The following CELSR1 variants were observed in gnomAD, a reference collection of about 807,000 sequenced individuals.
CELSR1 encodes the protein cadherin EGF LAG seven-pass G-type receptor 1, also known as adhesion G protein-coupled receptor C1.
CELSR1 carries 110 observed loss-of-function variants against 249.1 expected under a neutral mutation model. That is an observed-to-expected ratio of 0.44 (90% confidence interval 0.38 to 0.52). The LOEUF is 0.52. Ranked by LOEUF, CELSR1 falls within the 20% of genes least tolerant of loss-of-function variation. CELSR1 has a pLI of 0.00. For missense variants in CELSR1, 4,109 were observed against 4,296.4 expected, an observed-to-expected ratio of 0.96 and a Z score of 1.22; for synonymous variants, 2,113 against 1,900.0, an observed-to-expected ratio of 1.11 and a Z score of -2.92.
At chr22:46,451,109 C>T (rs1343685157) in intron 2 of CELSR1, among the ~76,000 whole-genome samples, 1 of 152,156 alleles carries the variant, frequency 6.6e-6, no homozygotes, top group Non-Finnish European at 1.5e-5. Flanking sequence ...CACGTCTGCC[C>T]TTGGGTTTCA....
At chr22:46,371,513 T>G (rs928888471) in intron 25 of CELSR1, among the ~76,000 whole-genome samples, 2 of 152,108 alleles carry the variant, frequency 1.3e-5, no homozygotes, top group Non-Finnish European at 2.9e-5. Context: ...TACTGTTTGT[T>G]CTACTCACTG....
chr22:46,456,705 C>T (rs972933756), intron 2 of CELSR1, among the ~76,000 whole-genome samples: 1 of 145,398 alleles, frequency 6.9e-6, no homozygotes, highest in East Asian at 2.1e-4. Flanking sequence ...CAAAATAAAA[C>T]TCACAGCTGG....
At chr22:46,405,116 C>T (rs1227139373) in intron 9 of CELSR1, among the ~76,000 whole-genome samples, 1 of 151,516 alleles carries the variant, frequency 6.6e-6, no homozygotes, top group Non-Finnish European at 1.5e-5. Context: ...TGAGCCACTG[C>T]ACCCAGCCTC....
rs537113239 is a variant in CELSR1, at chr22:46,441,018, T to C, written c.4184-1607A>G. 6.6e-6 allele frequency among the ~76,000 whole-genome samples: 1 copy of C among 152,128 alleles called. No homozygotes were observed. The highest frequency in any genetic ancestry group is 1.9e-4 in the East Asian group (1 of 5,168). ...AAATACAAAAATTAGCCAGGCGTGGTGGCGGGTGCCTGTAATCCCATCTAC... is the reference window on the plus strand; with the variant it reads ...AAATACAAAAATTAGCCAGGCGTGGCGGCGGGTGCCTGTAATCCCATCTAC... On this transcript the variant is annotated intron_variant, in intron 2 of 34. Coordinates refer to ENST00000674500, the MANE Select transcript of CELSR1 (RefSeq NM_001378328.1). The surrounding 1 kb of genome is among the most constrained non-coding windows in gnomAD (Gnocchi z 6.1).
At position 46,535,799 on chromosome 22, in the gene CELSR1, G is replaced by C. The variant is rs1435720742; in HGVS notation, c.1372C>G (p.Gln458Glu). The C allele has an allele frequency of 6.2e-7, 1 of 1,612,144 alleles. No individual in the cohort carries two copies. Reference protein sequence around the residue: ...EVEDENDNYPQFSEQNYVVQV... With the variant: ...EVEDENDNYPEFSEQNYVVQV... The stretch of plus-strand genomic sequence containing the variant: ...ACCACGTAGTTCTGCTCGCTGAACT[G>C]GGGGTAGTTGTCGTTCTCGTCCTCC... Residue 458 changes from glutamine to glutamate, a missense_variant, in exon 1 of 35, where the codon CAG becomes GAG. Around this residue, in one of 7 missense-constraint regions of CELSR1, gnomAD observed 135 missense variants for 190.0 expected, o/e 0.71. Transcript: ENST00000674500.
Position 46,396,574 on chromosome 22 carries a change from G to A in CELSR1, c.5843+31C>T, listed in dbSNP as rs1344743269. 6.6e-7 allele frequency: 1 copy of A among 1,508,496 alleles called. No individual in the cohort carries two copies. The highest frequency in any genetic ancestry group is 1.3e-5 in the South Asian group (1 of 74,200). 93.4% of individuals were successfully genotyped at this position (1,508,496 alleles called of 1,614,324 possible). ...GGAACACAGCCACATGGACTCTGAA[G>A]GTGCAGGGAGGCACCAGGGGCTGCT... On this transcript the variant is annotated intron_variant, in intron 13 of 34. Coordinates refer to ENST00000674500, the MANE Select transcript of CELSR1 (RefSeq NM_001378328.1). This position sits in a 1 kb window ranked among gnomAD's most constrained non-coding sequence, Gnocchi z 6.4.
rs1274247008 is a variant in CELSR1, at chr22:46,374,436, A to G, written c.7585-1379T>C. Among the ~76,000 whole-genome samples the G allele has an allele frequency of 6.6e-6, 1 of 152,214 alleles. No homozygotes were observed. The highest frequency in any genetic ancestry group is 6.5e-5 in the Admixed American group (1 of 15,280). ...AAGCGGATGCATAATAAATCATTTC[A>G]GCCTGCCAGCGCTCTGAGAGATGAA... On this transcript the variant is annotated intron_variant, in intron 24 of 34. Coordinates refer to ENST00000674500, the MANE Select transcript of CELSR1 (RefSeq NM_001378328.1). This position sits in a 1 kb window ranked among gnomAD's most constrained non-coding sequence, Gnocchi z 4.3.
At chr22:46,481,146 A>C (rs1400172510) in intron 1 of CELSR1, among the ~76,000 whole-genome samples, 1 of 152,080 alleles carries the variant, frequency 6.6e-6, no homozygotes, top group East Asian at 1.9e-4. Flanking sequence ...GAGGCAGAAA[A>C]ATGGCTTGAA....
rs746756979 is a variant in CELSR1 at position 46,367,802 on chromosome 22, A to G, written c.8006T>C (p.Leu2669Pro). 22 of 1,611,916 alleles carry G rather than the reference A, an allele frequency of 1.4e-5. No individual in the cohort carries two copies. Among genetic ancestry groups the G allele is most frequent in the Non-Finnish European group, 1.8e-5 (21 of 1,179,728 alleles). Residue 2669 changes from leucine (L) to proline (P), a missense_variant, in exon 28 of 35, where the codon CTG (leucine) becomes CCG (proline). By Grantham distance (98) the Leu-to-Pro change is moderately conservative. Coordinates refer to ENST00000674500, the MANE Select transcript of CELSR1 (RefSeq NM_001378328.1). ...GCGGTTCACAGCCAGCAGCCCCAGC[A>G]GCCAGGTGGCGCTGATGAGCAGCAG... The part of the protein sequence containing the change: ...LLLLLISATW[L>P]LGLLAVNRDA...
At chr22:46,378,741 C>T in intron 22 of CELSR1, 24 bp from the exon 23 acceptor site, 1 of 1,607,922 alleles carries the variant, frequency 6.2e-7, no homozygotes, top group East Asian at 2.2e-5. Context: ...AGAGAAGGGG[C>T]AGGGGTAAGA....
Position 46,381,243 on chromosome 22 carries a change from A to G in CELSR1, c.7089-288T>C, listed in dbSNP as rs948988946. On this transcript the variant is annotated intron_variant, in intron 21 of 34. Transcript: ENST00000674500. This position sits in a 1 kb window ranked among gnomAD's most constrained non-coding sequence, Gnocchi z 6.0. ...AAAGATGTCACAGCCCATAATAGCT[A>G]ATGGCAGAATCACAGGGGATGGTTT... Among the ~76,000 whole-genome samples, 8 of 152,206 alleles carry G rather than the reference A, an allele frequency of 5.3e-5. No homozygotes were observed. Among genetic ancestry groups the G allele is most frequent in the African/African-American group, 1.4e-4 (6 of 41,458 alleles).
intron 5 of CELSR1, among the ~76,000 whole-genome samples, chr22:46,414,577 C>T (rs932047124): frequency 6.6e-6 from 1 of 151,910 alleles, no homozygotes; most frequent in Non-Finnish European, 1.5e-5. Context: ...GTTAAACACG[C>T]AGGCTAACCG....
rs977193020 is a variant in CELSR1 at position 46,490,709 on chromosome 22, C to T, written c.3545-26364G>A. Among the ~76,000 whole-genome samples, 6 of 152,078 alleles carry T rather than the reference C, an allele frequency of 3.9e-5. No individual in the cohort carries two copies. Among genetic ancestry groups the T allele is most frequent in the African/African-American group, 1.4e-4 (6 of 41,382 alleles). On this transcript the variant is annotated intron_variant, in intron 1 of 34. Coordinates refer to ENST00000674500, the MANE Select transcript of CELSR1 (RefSeq NM_001378328.1). The surrounding 1 kb of genome is among the most constrained non-coding windows in gnomAD (Gnocchi z 5.2). ...GGGTGTGCGGGGACACTTTAAAATACCAGAAAAATCTACAAAACCAACTCC... is the reference window on the plus strand; with the variant it reads ...GGGTGTGCGGGGACACTTTAAAATATCAGAAAAATCTACAAAACCAACTCC...
In CELSR1 at chr22:46,409,787, G is replaced by A; in HGVS notation, c.5027C>T (p.Pro1676Leu). The change falls in exon 8 of 35, where the codon CCA becomes CTA. Residue 1676 changes from proline (P) to leucine (L), a missense_variant. By Grantham distance (98) the Pro-to-Leu change is moderately conservative (BLOSUM62 -3). Coordinates refer to ENST00000674500, the MANE Select transcript of CELSR1 (RefSeq NM_001378328.1). The surrounding 1 kb of genome is among the most constrained non-coding windows in gnomAD (Gnocchi z 9.8). ...NRWNMYLCEC[P>L]LRFGGKNCEQ... ...ACAGTTCTTCCCGCCGAATCGGAGTGGACACTCACACAGATACATATTCCA... is the reference window on the plus strand; with the variant it reads ...ACAGTTCTTCCCGCCGAATCGGAGTAGACACTCACACAGATACATATTCCA... 1.2e-6 allele frequency: 2 copies of A among 1,613,864 alleles called. No individual in the cohort carries two copies. The highest frequency in any genetic ancestry group is 1.7e-6 in the Non-Finnish European group (2 of 1,180,002).
chr22:46,452,329 T>C (rs747955975), intron 2 of CELSR1, among the ~76,000 whole-genome samples: 31 of 152,154 alleles, frequency 2.0e-4, no homozygotes, highest in Non-Finnish European at 3.7e-4. Context: ...AGGGCTCTTA[T>C]GGCACCGGGA....
intron 25 of CELSR1, chr22:46,370,195 G>C (rs1305667889): frequency 1.5e-5 from 7 of 459,364 alleles, no homozygotes; most frequent in African/African-American, 1.4e-4. Flanking sequence ...TGGACCCAAG[G>C]TGCAAGGGAT....
chr22:46,470,988 T>A (rs2080150060), intron 1 of CELSR1, among the ~76,000 whole-genome samples: 1 of 152,040 alleles, frequency 6.6e-6, no homozygotes, highest in Admixed American at 6.6e-5. Context: ...AGCAGGGCGT[T>A]GTGGTGCACA....
intron 17 of CELSR1, 85 bp from the exon 18 acceptor site, chr22:46,389,584 C>G: frequency 7.4e-7 from 1 of 1,356,974 alleles, no homozygotes; most frequent in Non-Finnish European, 1.0e-6. Flanking sequence ...TCACTACTGT[C>G]TGGTGCAAGT....
In CELSR1 at chr22:46,378,588, C is replaced by T; in HGVS notation, c.7383+3G>A. The T allele has an allele frequency of 6.4e-7, 1 of 1,561,990 alleles. No individual in the cohort carries two copies. Among genetic ancestry groups the T allele is most frequent in the Non-Finnish European group, 8.7e-7 (1 of 1,153,004 alleles). ...GGCACAGTGGCCACGGGAGGATGCC[C>T]ACCTCACGCCTGGAGATATCCATGA... On this transcript the variant is annotated splice_donor_region_variant and intron_variant, in intron 23 of 34. Coordinates refer to ENST00000674500, the MANE Select transcript of CELSR1 (RefSeq NM_001378328.1).
Sources: gnomAD v4.1 joint callset for allele counts (sites outside exome capture counted in the v4.1 genomes callset) on GRCh38, gnomAD v4.1.1 for gene constraint, gnomAD v4.1.1 regional missense constraint, Gnocchi (gnomAD v3.1) non-coding constraint, MANE v1.5 for transcripts, NCBI Gene and HGNC (gene_info 2026-07-23, HGNC 2026-07-21) for gene names.